PPFIBP1: variants seen among roughly 807,000 people sequenced by gnomAD.
PPFIBP1 encodes the protein PPFIB scaffold protein 1, also known as liprin-beta-1.
PPFIBP1 carries 112 observed loss-of-function variants against 137.8 expected under a neutral mutation model. The observed-to-expected ratio is 0.81, with a 90% CI of 0.70 to 0.95. PPFIBP1 has a LOEUF of 0.95. Among genes scored for constraint, PPFIBP1 ranks in the 40% least tolerant of loss-of-function variants. The pLI, the probability that PPFIBP1 is intolerant of heterozygous loss-of-function variation, is 0.00. For missense variants in PPFIBP1, 1,083 were observed against 1,196.6 expected (o/e 0.91, Z 1.40); for synonymous variants, 378 against 417.3 (o/e 0.91, Z 1.15).
intron 11 of PPFIBP1, among the ~76,000 whole-genome samples, chr12:27,661,208 AAG>A (rs1565962123): frequency 6.6e-6 from 1 of 152,216 alleles, no homozygotes; most frequent in Admixed American, 6.5e-5. Context: ...CGTGACATGT[AAG>A]AGAGAGGATA....
intron 3 of PPFIBP1, among the ~76,000 whole-genome samples, chr12:27,634,261 C>T (rs536321427): frequency 2.7e-5 from 4 of 149,704 alleles, no homozygotes; most frequent in Admixed American, 6.8e-5. Flanking sequence ...CCTTGAAATG[C>T]TGTGCTCAAG....
chr12:27,626,125 T>G (rs2056798277), intron 2 of PPFIBP1, among the ~76,000 whole-genome samples: 1 of 152,042 alleles, frequency 6.6e-6, no homozygotes, highest in South Asian at 2.1e-4. Flanking sequence ...TAGAGCAGAT[T>G]GGTGGTGAGA....
intron 2 of PPFIBP1, among the ~76,000 whole-genome samples, chr12:27,615,785 G>A (rs1466568311): frequency 2.0e-5 from 3 of 152,110 alleles, no homozygotes; most frequent in African/African-American, 7.2e-5. Context: ...TGTCCACAGG[G>A]CAGGGTCAGG....
chr12:27,611,381 A>G (rs141932142), intron 2 of PPFIBP1, among the ~76,000 whole-genome samples: 2 of 152,232 alleles, frequency 1.3e-5, no homozygotes, highest in African/African-American at 4.8e-5. Context: ...ATCATCTTGA[A>G]TTTTGGGCAC....
At chr12:27,531,599 G>A (rs552755563) in intron 1 of PPFIBP1, among the ~76,000 whole-genome samples, 15 of 152,006 alleles carry the variant, frequency 9.9e-5, no homozygotes, top group African/African-American at 3.4e-4. Flanking sequence ...CACCACGTCC[G>A]GCCAGAAATT....
At position 27,635,087 on chromosome 12, in the gene PPFIBP1, C is replaced by T. The variant is rs148076093; in HGVS notation, c.242C>T (p.Thr81Met). The change falls in exon 4 of 30, where the codon ACG (threonine) becomes ATG (methionine). Residue 81 changes from threonine to methionine, a missense_variant. Transcript: ENST00000228425. ...RCQIPDSTAE[T>M]LVEWLQSQMT... ...CAGATCCCAGATTCAACAGCAGAAA[C>T]GCTTGTTGAATGGCTTCAGAGTCAA... The T allele has an allele frequency of 7.8e-5, 126 of 1,614,196 alleles. No individual in the cohort carries two copies. Among genetic ancestry groups the T allele is most frequent in the South Asian group, 1.9e-4 (17 of 91,086 alleles).
chr12:27,544,437 C>T (rs747120399), intron 1 of PPFIBP1, among the ~76,000 whole-genome samples: 2 of 152,156 alleles, frequency 1.3e-5, no homozygotes, highest in African/African-American at 2.4e-5. Context: ...AATAAACTGT[C>T]GTCGGAGTGA....
At chr12:27,599,753 A>G (rs139044031) in intron 2 of PPFIBP1, among the ~76,000 whole-genome samples, 6 of 152,350 alleles carry the variant, frequency 3.9e-5, no homozygotes, top group Non-Finnish European at 4.4e-5. Context: ...CTTGCCAACA[A>G]TGTATAATCT....
chr12:27,682,811 G>A, intron 24 of PPFIBP1, 108 bp downstream of exon 24: 2 of 1,549,502 alleles, frequency 1.3e-6, no homozygotes, highest in Non-Finnish European at 1.7e-6. Context: ...ACCAGAGTTT[G>A]AAGCTGTTGC....
At chr12:27,648,410 T>C (rs2058675670) in intron 6 of PPFIBP1, among the ~76,000 whole-genome samples, 1 of 152,164 alleles carries the variant, frequency 6.6e-6, no homozygotes, top group Non-Finnish European at 1.5e-5. Context: ...GGAATGTAAA[T>C]TCATACAACT....
chr12:27,646,634 C>T (rs996375044), intron 5 of PPFIBP1, among the ~76,000 whole-genome samples: 25 of 151,966 alleles, frequency 1.6e-4, no homozygotes, highest in South Asian at 4.1e-4. Flanking sequence ...GTTTATATTT[C>T]TGAATCTGAA....
At chr12:27,659,804 A>G (rs1310240674) in intron 10 of PPFIBP1, among the ~76,000 whole-genome samples, 4 of 152,138 alleles carry the variant, frequency 2.6e-5, no homozygotes, top group Non-Finnish European at 2.9e-5. Flanking sequence ...AGAAGACTGG[A>G]TGTGGTGGCT....
At chr12:27,566,216 G>C (rs1023196314) in intron 1 of PPFIBP1, among the ~76,000 whole-genome samples, 2 of 151,858 alleles carry the variant, frequency 1.3e-5, no homozygotes, top group Non-Finnish European at 2.9e-5. Flanking sequence ...CTCTGATACC[G>C]CCACCACCAA....
chr12:27,583,354 C>T (rs1314233569), intron 2 of PPFIBP1, among the ~76,000 whole-genome samples: 3 of 152,092 alleles, frequency 2.0e-5, no homozygotes, highest in Admixed American at 6.5e-5. Context: ...CATTGAAGTC[C>T]GGAAGTTGTT....
Position 27,664,371 on chromosome 12 carries a change from A to G in PPFIBP1, c.916A>G (p.Ile306Val), listed in dbSNP as rs1157150845. ...TTTATTTTATTCCTAGGATCGGAAA[A>G]TAGAAGATCTTCGACAGTGCCTGAA... ...MAANEEKDRK[I>V]EDLRQCLNRY... Residue 306 changes from isoleucine (I) to valine (V), a missense_variant, in exon 12 of 30, where the codon ATA (isoleucine) becomes GTA (valine). By Grantham distance (29) the Ile-to-Val change is conservative. Transcript: ENST00000228425. 4 of 1,608,630 alleles carry G rather than the reference A, an allele frequency of 2.5e-6. No homozygotes were observed. Among genetic ancestry groups the G allele is most frequent in the African/African-American group, 1.3e-5 (1 of 74,794 alleles).
At chr12:27,531,020 A>C (rs1344914923) in intron 1 of PPFIBP1, among the ~76,000 whole-genome samples, 1 of 152,246 alleles carries the variant, frequency 6.6e-6, no homozygotes, top group Non-Finnish European at 1.5e-5. Flanking sequence ...AACTTGGGTC[A>C]GTTACTTGCA....
At chr12:27,550,993 T>TAG (rs1565751277) in intron 1 of PPFIBP1, among the ~76,000 whole-genome samples, 1 of 93,986 alleles carries the variant, frequency 1.1e-5, no homozygotes, top group African/African-American at 4.6e-5. Flanking sequence ...ATATATATAT[T>TAG]TTTTTTTTTT....
chr12:27,612,359 G>T, intron 2 of PPFIBP1, among the ~76,000 whole-genome samples: 1 of 116,702 alleles, frequency 8.6e-6, no homozygotes, highest in African/African-American at 3.0e-5. Context: ...TTTGAGACAG[G>T]GTCTCACTCT....
Position 27,667,979 on chromosome 12 carries a change from AC to A in PPFIBP1, c.1146+662del, listed in dbSNP as rs564223605. On this transcript the variant is annotated intron_variant, in intron 13 of 29. Coordinates refer to ENST00000228425, the MANE Select transcript of PPFIBP1 (RefSeq NM_003622.4). ...TGCTGTAGCCACAGGCCTGCAGCCC[AC>A]CCAGATACAAGGAGAGGAAACATAG... Among the ~76,000 whole-genome samples the A allele has an allele frequency of 4.1e-4, 63 of 152,308 alleles. 2 individuals are homozygous for A. In the South Asian group the frequency reaches 0.013, roughly 31 times the overall value.
Sources: gnomAD v4.1 joint callset for allele counts (sites outside exome capture counted in the v4.1 genomes callset) on GRCh38, gnomAD v4.1.1 for gene constraint, MANE v1.5 for transcripts, NCBI Gene and HGNC (gene_info 2026-07-23, HGNC 2026-07-21) for gene names.